ANKRD29: variants seen among roughly 807,000 people sequenced by gnomAD.
The protein encoded by ANKRD29 is ankyrin repeat domain-containing protein 29.
In ANKRD29, 32 loss-of-function variants were observed where a neutral mutation model predicts 38.0. That is an observed-to-expected ratio of 0.84 (90% CI 0.64 to 1.13). The LOEUF is 1.13. Ranked by LOEUF, ANKRD29 falls within the 50% of genes most tolerant of loss-of-function variation. The probability of loss-of-function intolerance (pLI) is 0.00; values close to 1 mark genes in which losing one functional copy is unlikely to be tolerated. For synonymous variants in ANKRD29, 135 were observed against 152.4 expected, an observed-to-expected ratio of 0.89 and a Z score of 0.84; for missense variants, 357 against 377.9, an observed-to-expected ratio of 0.94 and a Z score of 0.46.
intron 9 of ANKRD29, among the ~76,000 whole-genome samples, chr18:23,609,942 T>C: frequency 6.6e-6 from 1 of 152,216 alleles, no homozygotes; most frequent in South Asian, 2.1e-4. Flanking sequence ...GGGGAAGTAA[T>C]ACTTCTACAT....
At chr18:23,619,208 G>C (rs999369249) in intron 7 of ANKRD29, among the ~76,000 whole-genome samples, 2 of 152,178 alleles carry the variant, frequency 1.3e-5, no homozygotes, top group African/African-American at 4.8e-5. Context: ...CACCAGCCAG[G>C]GGATCCCCCT....
At chr18:23,643,439 A>C (rs1346121076) in intron 3 of ANKRD29, among the ~76,000 whole-genome samples, 1 of 152,210 alleles carries the variant, frequency 6.6e-6, no homozygotes, top group Non-Finnish European at 1.5e-5. Flanking sequence ...AGAGACTACC[A>C]AAGGTCTTTT....
At chr18:23,615,664 A>G (rs1034140247) in intron 8 of ANKRD29, among the ~76,000 whole-genome samples, 2 of 152,098 alleles carry the variant, frequency 1.3e-5, no homozygotes, top group East Asian at 1.9e-4. Flanking sequence ...CACCTGCCTC[A>G]GCCTCCCAAA....
intron 4 of ANKRD29, among the ~76,000 whole-genome samples, chr18:23,637,274 AT>A (rs1233512768): frequency 2.6e-5 from 4 of 152,250 alleles, no homozygotes; most frequent in South Asian, 2.1e-4. Context: ...ATGTAAAAAA[AT>A]ATATAGTATT....
intron 5 of ANKRD29, among the ~76,000 whole-genome samples, chr18:23,633,382 G>A (rs892394365): frequency 5.3e-5 from 8 of 152,074 alleles, no homozygotes; most frequent in Non-Finnish European, 8.8e-5. Flanking sequence ...TATATCCAAT[G>A]AGCGCATTTA....
chr18:23,619,481 C>G, intron 7 of ANKRD29, 50 bp downstream of exon 7: 1 of 1,509,266 alleles, frequency 6.6e-7, no homozygotes, highest in Non-Finnish European at 8.8e-7. Context: ...TTTCTCCACA[C>G]AGGCGCGCCG....
At chr18:23,650,376 T>G (rs2060194835) in intron 1 of ANKRD29, among the ~76,000 whole-genome samples, 1 of 151,054 alleles carries the variant, frequency 6.6e-6, no homozygotes, top group Admixed American at 6.6e-5. Flanking sequence ...ACTCCTGGGC[T>G]CAAGCAATCT....
chr18:23,633,078 C>T lies in ANKRD29; in HGVS notation c.429+973G>A, dbSNP rs757122728. Among the ~76,000 whole-genome samples the T allele has an allele frequency of 1.1e-4, 17 of 152,284 alleles. 1 individual carries two copies. Among genetic ancestry groups the T allele is most frequent in the Non-Finnish European group, 2.2e-4 (15 of 68,030 alleles). On this transcript the variant is annotated intron_variant, in intron 5 of 9. Transcript: ENST00000592179. ...AATTTTTCCACTCTTCACCATGAGA[C>T]TGTCAAGTCTATTCATCTCCCTATA...
At chr18:23,655,689 A>T (rs1255589731) in intron 1 of ANKRD29, among the ~76,000 whole-genome samples, 1 of 151,616 alleles carries the variant, frequency 6.6e-6, no homozygotes, top group Non-Finnish European at 1.5e-5. Context: ...TCCTGACCTC[A>T]GGTGATCTAC....
chr18:23,636,616 C>T (rs558426990), intron 4 of ANKRD29, among the ~76,000 whole-genome samples: 5 of 152,142 alleles, frequency 3.3e-5, no homozygotes, highest in Non-Finnish European at 7.4e-5. Context: ...CACTCTCACC[C>T]AGGCTGGAGT....
chr18:23,630,967 CA>C (rs35627642), intron 5 of ANKRD29, among the ~76,000 whole-genome samples: 88 of 89,758 alleles, frequency 9.8e-4, no homozygotes, highest in Admixed American at 1.3e-3. Flanking sequence ...GACCCTGTCT[CA>C]AAAAAAAAAA....
chr18:23,662,898 C>G lies in ANKRD29; in HGVS notation c.-168G>C, dbSNP rs2060387751. ...GCAGCCGCCGCACACAGGGCCGGGC[C>G]GAAGGGGCGGCGCGGGGGCGCGCGC... On this transcript the variant is annotated 5_prime_UTR_variant, in exon 1 of 10. Transcript: ENST00000592179. The G allele has an allele frequency of 4.4e-6, 2 of 455,244 alleles. No homozygotes were observed. The highest frequency in any genetic ancestry group is 2.1e-5 in the African/African-American group (1 of 46,906). The allele number at this position is 455,244 out of a possible 1,614,324, so 28.2% of individuals were successfully genotyped here. A position where few individuals can be genotyped will look rare whatever the true frequency, so the allele number is the denominator to read the frequency against.
intron 8 of ANKRD29, among the ~76,000 whole-genome samples, chr18:23,616,027 A>G (rs1291275789): frequency 1.3e-5 from 2 of 150,302 alleles, no homozygotes; most frequent in East Asian, 3.9e-4. Context: ...CATACTCTAC[A>G]CATACCGTAT....
chr18:23,604,493 C>T (rs1261851896), intron 9 of ANKRD29, among the ~76,000 whole-genome samples: 1 of 151,712 alleles, frequency 6.6e-6, no homozygotes, highest in African/African-American at 2.4e-5. Context: ...CTTCTTCAGA[C>T]TTTTGGGGGC....
At position 23,638,920 on chromosome 18, in the gene ANKRD29, C is replaced by A. The variant is rs777416604; in HGVS notation, c.259G>T (p.Ala87Ser). Residue 87 changes from alanine (A) to serine (S), a missense_variant, in exon 4 of 10, where the codon GCC becomes TCC. Coordinates refer to ENST00000592179, the MANE Select transcript of ANKRD29 (RefSeq NM_173505.4). ...ESGTTALFFA[A>S]QQGHNDVVRF... ...ACGACATCATTATGGCCTTGCTGGGCGGCAAAGAATAGGGCAGTTGTACCT... is the reference window on the plus strand; with the variant it reads ...ACGACATCATTATGGCCTTGCTGGGAGGCAAAGAATAGGGCAGTTGTACCT... 6.2e-7 allele frequency: 1 copy of A among 1,612,364 alleles called. No homozygotes were observed. Among genetic ancestry groups the A allele is most frequent in the Non-Finnish European group, 8.5e-7 (1 of 1,179,530 alleles).
Position 23,601,125 on chromosome 18 carries a change from CT to C in ANKRD29, c.*100del, listed in dbSNP as rs145092409. 3.9e-4 allele frequency: 410 copies of C among 1,062,116 alleles called. No individual in the cohort carries two copies. Among genetic ancestry groups the C allele is most frequent in the Non-Finnish European group, 4.1e-4 (302 of 730,384 alleles). 65.8% of individuals were successfully genotyped at this position (1,062,116 alleles called of 1,614,324 possible). A position where few individuals can be genotyped will look rare whatever the true frequency, so the allele number is the denominator to read the frequency against. The stretch of plus-strand genomic sequence containing the variant: ...CCCACAGGATGGGCATTCTGGGCAT[CT>C]TTTTTTTTCATAAAAGAATTTCCAA... On this transcript the variant is annotated 3_prime_UTR_variant, in exon 10 of 10. Transcript: ENST00000592179.
intron 9 of ANKRD29, among the ~76,000 whole-genome samples, chr18:23,609,675 A>G (rs937595759): frequency 6.6e-6 from 1 of 152,222 alleles, no homozygotes; most frequent in South Asian, 2.1e-4. Context: ...TAGGAGACAC[A>G]CAAGGAATTG....
rs767723382 is a variant in ANKRD29 at position 23,638,774 on chromosome 18, T to C, written c.330+75A>G. The C allele has an allele frequency of 6.5e-5, 77 of 1,180,462 alleles. 1 individual carries two copies. Among genetic ancestry groups the C allele is most frequent in the Non-Finnish European group, 8.7e-5 (73 of 835,890 alleles). The allele number at this position is 1,180,462 out of a possible 1,614,324, so 73.1% of individuals were successfully genotyped here. A position where few individuals can be genotyped will look rare whatever the true frequency, so the allele number is the denominator to read the frequency against. On this transcript the variant is annotated intron_variant, in intron 4 of 9. Transcript: ENST00000592179. ...AAAAGGGAAACATAAATTCGTACCA[T>C]AGATGAGGAGAAAAGCAATACCCAT...
chr18:23,641,518 C>T (rs918181743), intron 3 of ANKRD29, among the ~76,000 whole-genome samples: 14 of 152,260 alleles, frequency 9.2e-5, no homozygotes, highest in African/African-American at 2.4e-4. Flanking sequence ...CCTTGCCCCC[C>T]AACCTTGGCC....
Sources: allele counts gnomAD v4.1 joint callset (sites outside exome capture counted in the v4.1 genomes callset), GRCh38; gene constraint gnomAD v4.1.1; transcripts MANE v1.5; gene names NCBI Gene and HGNC (gene_info 2026-07-23, HGNC 2026-07-21).